Variants in MTX2 observed in about 807,000 individuals in gnomAD.
The protein encoded by MTX2 is metaxin-2.
In MTX2, 35 loss-of-function variants were observed where a neutral mutation model predicts 42.3. That is an observed-to-expected ratio of 0.83 (90% CI 0.63 to 1.10). The LOEUF (loss-of-function observed/expected upper bound fraction) is 1.10, where lower values mean the gene tolerates loss of function less well. MTX2 is among the 50% of genes least tolerant of loss of function. The pLI is 0.00. For synonymous variants in MTX2, 119 were observed against 100.9 expected, an observed-to-expected ratio of 1.18 and a Z score of -1.08; for missense variants, 307 against 304.1, an observed-to-expected ratio of 1.01 and a Z score of -0.07.
At chr2:176,271,019 G>A (rs1692793172) in intron 1 of MTX2, among the ~76,000 whole-genome samples, 1 of 152,050 alleles carries the variant, frequency 6.6e-6, no homozygotes, top group Non-Finnish European at 1.5e-5. Context: ...TTCACTGTGT[G>A]CATGTGTCCT....
intron 1 of MTX2, among the ~76,000 whole-genome samples, chr2:176,277,001 A>G (rs1216688579): frequency 1.3e-5 from 2 of 152,228 alleles, no homozygotes; most frequent in African/African-American, 4.8e-5. Flanking sequence ...TGGGTGCTTA[A>G]TTATTTAAAT....
chr2:176,308,124 G>A (rs765570402), intron 3 of MTX2, among the ~76,000 whole-genome samples: 3 of 151,936 alleles, frequency 2.0e-5, no homozygotes, highest in Non-Finnish European at 4.4e-5. Flanking sequence ...GTTGAATTTT[G>A]TCAAAGGCCT....
intron 7 of MTX2, 98 bp from the exon 8 acceptor site, chr2:176,329,203 A>G (rs909413774): frequency 2.9e-5 from 40 of 1,380,426 alleles, no homozygotes; most frequent in Admixed American, 1.2e-4. Context: ...TGCTCTATTT[A>G]TGTTCTCTGA....
At chr2:176,331,831 T>G (rs1449354973) in intron 9 of MTX2, among the ~76,000 whole-genome samples, 2 of 151,302 alleles carry the variant, frequency 1.3e-5, no homozygotes, top group African/African-American at 2.4e-5. Flanking sequence ...TCTTAGGAAT[T>G]GAAAAGCTCA....
chr2:176,308,915 A>G (rs1014131766), intron 3 of MTX2, among the ~76,000 whole-genome samples: 1 of 151,920 alleles, frequency 6.6e-6, no homozygotes, highest in Admixed American at 6.5e-5. Context: ...GATCTTAGTT[A>G]TTTCTTGCCT....
chr2:176,299,292 G>A (rs567698446), intron 3 of MTX2, among the ~76,000 whole-genome samples: 167 of 152,064 alleles, frequency 1.1e-3, no homozygotes, highest in African/African-American at 3.8e-3. Flanking sequence ...GATTTGTCAA[G>A]GTTGACAAAC....
At chr2:176,323,637 A>G (rs1166311407) in intron 4 of MTX2, among the ~76,000 whole-genome samples, 173 bp downstream of exon 4, 1 of 151,766 alleles carries the variant, frequency 6.6e-6, no homozygotes, top group East Asian at 1.9e-4. Flanking sequence ...TGGGGTTGGC[A>G]TATCTATTCA....
intron 4 of MTX2, 53 bp from the exon 5 acceptor site, chr2:176,326,772 A>G (rs1684716256): frequency 6.1e-6 from 7 of 1,138,256 alleles, no homozygotes; most frequent in Non-Finnish European, 8.7e-6. Flanking sequence ...AATTATCACA[A>G]ACTTTAACAT....
chr2:176,277,999 C>G (rs959266414), intron 1 of MTX2, among the ~76,000 whole-genome samples: 1 of 148,194 alleles, frequency 6.7e-6, no homozygotes, highest in Non-Finnish European at 1.5e-5. Flanking sequence ...AGCAGTGGAT[C>G]CTGTATTTTA....
intron 3 of MTX2, among the ~76,000 whole-genome samples, chr2:176,301,124 CAA>C (rs1161633644): frequency 3.3e-5 from 5 of 152,120 alleles, no homozygotes; most frequent in South Asian, 4.2e-4. Flanking sequence ...TTAATGCAAA[CAA>C]AATTTTATTG....
intron 1 of MTX2, among the ~76,000 whole-genome samples, chr2:176,292,055 A>C (rs532135070): frequency 2.0e-5 from 3 of 152,326 alleles, no homozygotes; most frequent in African/African-American, 7.2e-5. Context: ...TTTACTTTTG[A>C]TGTGGTGAGA....
chr2:176,279,908 T>G (rs565856264), intron 1 of MTX2, among the ~76,000 whole-genome samples: 17 of 152,346 alleles, frequency 1.1e-4, no homozygotes, highest in Admixed American at 9.8e-4. Flanking sequence ...GAGTGCAGAT[T>G]ATAGACAAAT....
At chr2:176,272,577 T>G (rs189711237) in intron 1 of MTX2, among the ~76,000 whole-genome samples, 1 of 152,280 alleles carries the variant, frequency 6.6e-6, no homozygotes, top group Non-Finnish European at 1.5e-5. Flanking sequence ...TATGGTATGG[T>G]CACATTTTTA....
At chr2:176,325,797 A>G (rs1684693972) in intron 4 of MTX2, among the ~76,000 whole-genome samples, 1 of 151,854 alleles carries the variant, frequency 6.6e-6, no homozygotes, top group South Asian at 2.1e-4. Flanking sequence ...ATAAAGCAGT[A>G]GAAGGAAGGA....
intron 2 of MTX2, 110 bp from the exon 3 acceptor site, chr2:176,297,739 C>G (rs1683923568): frequency 2.0e-6 from 1 of 510,252 alleles, no homozygotes; most frequent in Admixed American, 4.1e-5. Flanking sequence ...TGATATAAAA[C>G]TTTAGAATTT....
At chr2:176,333,455 A>T (rs577016707) in intron 9 of MTX2, among the ~76,000 whole-genome samples, 1 of 151,678 alleles carries the variant, frequency 6.6e-6, no homozygotes, top group African/African-American at 2.4e-5. Flanking sequence ...GTGTAGTTCT[A>T]TGAATTTTAA....
intron 1 of MTX2, among the ~76,000 whole-genome samples, chr2:176,278,956 T>C (rs1167699055): frequency 6.6e-6 from 1 of 152,184 alleles, no homozygotes; most frequent in East Asian, 1.9e-4. Context: ...TTTTGAACTT[T>C]TTTACATCAG....
chr2:176,302,672 A>G (rs1684052813), intron 3 of MTX2, among the ~76,000 whole-genome samples: 1 of 152,086 alleles, frequency 6.6e-6, no homozygotes, highest in African/African-American at 2.4e-5. Context: ...TCCTGACCTC[A>G]AATGATCCAC....
At chr2:176,331,258 T>C (rs1304690433) in intron 9 of MTX2, among the ~76,000 whole-genome samples, 1 of 151,156 alleles carries the variant, frequency 6.6e-6, no homozygotes, top group Non-Finnish European at 1.5e-5. Flanking sequence ...AAGACTCTAA[T>C]GAAGGCAAAG....
Sources: gnomAD v4.1 joint callset for allele counts (sites outside exome capture counted in the v4.1 genomes callset) on GRCh38, gnomAD v4.1.1 for gene constraint, MANE v1.5 for transcripts, NCBI Gene and HGNC (gene_info 2026-07-23, HGNC 2026-07-21) for gene names.